The following MAPK8IP1 variants were observed in gnomAD, a reference collection of about 807,000 sequenced individuals.
The protein encoded by MAPK8IP1 is C-Jun-amino-terminal kinase-interacting protein 1.
Under a neutral mutation model 72.6 loss-of-function variants are expected in MAPK8IP1, and 17 were observed. The observed-to-expected ratio is 0.23, with a 90% confidence interval of 0.16 to 0.35. The LOEUF is 0.35. Ranked by LOEUF, MAPK8IP1 falls within the 10% of genes least tolerant of loss-of-function variation. The pLI, the probability that MAPK8IP1 is intolerant of heterozygous loss-of-function variation, is 1.00. For missense variants in MAPK8IP1, 789 were observed against 1,009.7 expected (o/e 0.78, Z 2.96); for synonymous variants, 401 against 443.4 (o/e 0.90, Z 1.20).
Position 45,902,096 on chromosome 11 carries a change from G to A in MAPK8IP1, c.604+35G>A, listed in dbSNP as rs758979263. The A allele has an allele frequency of 1.6e-5, 25 of 1,569,832 alleles. No individual in the cohort carries two copies. Among genetic ancestry groups the A allele is most frequent in the East Asian group, 2.2e-5 (1 of 44,664 alleles). ...GGCCCTCTTCCTTACCTGGACCTCC[G>A]CCTGCCCTGACTCAGTCCCCACTAC... On this transcript the variant is annotated intron_variant, in intron 4 of 11. Transcript: ENST00000241014. The surrounding 1 kb of genome is among the most constrained non-coding windows in gnomAD (Gnocchi z 9.3).
intron 1 of MAPK8IP1, 22 bp downstream of exon 1, chr11:45,885,943 G>T: frequency 6.9e-7 from 1 of 1,441,458 alleles, no homozygotes; most frequent in Non-Finnish European, 9.2e-7. Context: ...CGGCCGCCGC[G>T]CGCCTCGCCC....
rs766334044 is a variant in MAPK8IP1 at position 45,905,685 on chromosome 11, G to C, written c.2100G>C (p.Glu700Asp). The C allele has an allele frequency of 6.8e-6, 11 of 1,613,790 alleles. No individual in the cohort carries two copies. The African/African-American group carries it at 1.5e-4, about 22-fold the overall frequency. The change falls in exon 12 of 12, where the codon GAG becomes GAC. Residue 700 changes from glutamate (E) to aspartate (D), a missense_variant. Glu to Asp is a conservative substitution (Grantham distance 45). Coordinates refer to ENST00000241014, the MANE Select transcript of MAPK8IP1 (RefSeq NM_005456.4). Reference sequence around the variant, plus strand: ...AGCAGTTCTACAAGCAGTTTGTGGAGTACACCTGCCCCACAGAAGATATCT... The same window carrying C: ...AGCAGTTCTACAAGCAGTTTGTGGACTACACCTGCCCCACAGAAGATATCT... ...AFQQFYKQFVEYTCPTEDIYL... is the reference protein window; with the variant it reads ...AFQQFYKQFVDYTCPTEDIYL...
Position 45,903,320 on chromosome 11 carries a change from A to G in MAPK8IP1, c.1418-45A>G. Reference sequence around the variant, plus strand: ...CTTCTACCTGCCCCGCTAAACCTGGATCAGAGCTGCGACCCCCCATCCAGC... The same window carrying G: ...CTTCTACCTGCCCCGCTAAACCTGGGTCAGAGCTGCGACCCCCCATCCAGC... On this transcript the variant is annotated intron_variant, in intron 5 of 11. Coordinates refer to ENST00000241014, the MANE Select transcript of MAPK8IP1 (RefSeq NM_005456.4). The surrounding 1 kb of genome is among the most constrained non-coding windows in gnomAD (Gnocchi z 6.4). The G allele has an allele frequency of 6.2e-7, 1 of 1,605,086 alleles. No homozygotes were observed. The highest frequency in any genetic ancestry group is 8.5e-7 in the Non-Finnish European group (1 of 1,173,170).
chr11:45,892,693 C>G (rs2086576539), intron 1 of MAPK8IP1, among the ~76,000 whole-genome samples: 10 of 152,146 alleles, frequency 6.6e-5, no homozygotes, highest in Admixed American at 6.5e-4. Context: ...GGAAATGATA[C>G]TGGTTGGAGG....
chr11:45,903,497 C>G lies in MAPK8IP1; in HGVS notation c.1493+57C>G. On this transcript the variant is annotated intron_variant, in intron 6 of 11. Transcript: ENST00000241014. The surrounding 1 kb of genome is among the most constrained non-coding windows in gnomAD (Gnocchi z 6.4). ...GGCAGCAGTTTGGGCCACACACCAC[C>G]CTCTACTTGTCACCCCTACATGGCC... The G allele has an allele frequency of 6.9e-7, 1 of 1,451,766 alleles. No homozygotes were observed. The highest frequency in any genetic ancestry group is 9.5e-7 in the Non-Finnish European group (1 of 1,054,260). The allele number at this position is 1,451,766 out of a possible 1,614,324, so 89.9% of individuals were successfully genotyped here.
intron 1 of MAPK8IP1, 58 bp downstream of exon 1, chr11:45,885,979 C>A: frequency 8.9e-7 from 1 of 1,117,916 alleles, no homozygotes; most frequent in Non-Finnish European, 1.2e-6. Context: ...TCCGCATTGG[C>A]TGCCCTGCCC....
chr11:45,903,161 T>C lies in MAPK8IP1; in HGVS notation c.1394T>C (p.Met465Thr), dbSNP rs1194611164. 4 of 1,604,392 alleles carry C rather than the reference T, an allele frequency of 2.5e-6. No individual in the cohort carries two copies. Among genetic ancestry groups the C allele is most frequent in the African/African-American group, 2.7e-5 (2 of 74,730 alleles). ...TCCAAGAAATTCCTGAACGTCTTCA[T>C]GAGTGGCCGCTCCCGCTCCTCCAGT... ...HFSKKFLNVFMSGRSRSSSAE... is the reference protein window; with the variant it reads ...HFSKKFLNVFTSGRSRSSSAE... The change falls in exon 5 of 12, where the codon ATG becomes ACG. Residue 465 changes from methionine to threonine, a missense_variant. Coordinates refer to ENST00000241014, the MANE Select transcript of MAPK8IP1 (RefSeq NM_005456.4). The surrounding 1 kb of genome is among the most constrained non-coding windows in gnomAD (Gnocchi z 6.4).
In MAPK8IP1 at chr11:45,900,073, G is replaced by A. The variant is rs2086638109; in HGVS notation, c.208-65G>A. On this transcript the variant is annotated intron_variant, in intron 2 of 11. Transcript: ENST00000241014. The surrounding 1 kb of genome is among the most constrained non-coding windows in gnomAD (Gnocchi z 6.5). ...CAGAATGGACTCGCCCGGGCGGGGG[G>A]CGGTGCAAGCGGCCTCGGCCCCGCC... 4 of 1,016,490 alleles carry A rather than the reference G, an allele frequency of 3.9e-6. No individual in the cohort carries two copies. In the African/African-American group the frequency reaches 5.1e-5, roughly 13 times the overall value. The allele number at this position is 1,016,490 out of a possible 1,614,324, so 63.0% of individuals were successfully genotyped here.
At position 45,895,633 on chromosome 11, in the gene MAPK8IP1, A is replaced by AATAT. The variant is rs71038870; in HGVS notation, c.102-2427_102-2424dup. Reference sequence around the variant, plus strand: ...AAAGGCCGTCTCAAAAAAAAAAAAAAATATATATATATATATATATATATA... The same window carrying AATAT: ...AAAGGCCGTCTCAAAAAAAAAAAAAAATATATATATATATATATATATATATATA... On this transcript the variant is annotated intron_variant, in intron 1 of 11. Transcript: ENST00000241014. Among the ~76,000 whole-genome samples the AATAT allele has an allele frequency of 4.9e-4, 21 of 42,512 alleles. 1 individual carries two copies. The highest frequency in any genetic ancestry group is 1.9e-3 in the South Asian group (2 of 1,074). 27.9% of individuals were successfully genotyped at this position (42,512 alleles called of 152,430 possible).
At chr11:45,899,985 G>A (rs540971489) in intron 2 of MAPK8IP1, among the ~76,000 whole-genome samples, 153 bp from the exon 3 acceptor site, 1 of 152,208 alleles carries the variant, frequency 6.6e-6, no homozygotes, top group Admixed American at 6.5e-5. Context: ...CGCGGCGGAC[G>A]GGCGAGAGCG....
chr11:45,899,885 G>A (rs1178946258), intron 2 of MAPK8IP1, among the ~76,000 whole-genome samples: 1 of 152,198 alleles, frequency 6.6e-6, no homozygotes, highest in Non-Finnish European at 1.5e-5. Flanking sequence ...GGGAACGGGA[G>A]GGCGCAAGGA....
intron 1 of MAPK8IP1, among the ~76,000 whole-genome samples, chr11:45,893,281 T>C (rs1440136746): frequency 1.4e-5 from 2 of 147,276 alleles, no homozygotes; most frequent in African/African-American, 5.4e-5. Context: ...TTGGTGGAAA[T>C]GTGACCCAGC....
At chr11:45,889,196 A>G (rs1302814767) in intron 1 of MAPK8IP1, among the ~76,000 whole-genome samples, 3 of 152,240 alleles carry the variant, frequency 2.0e-5, no homozygotes, top group African/African-American at 4.8e-5. Context: ...AGGTAATTTT[A>G]TACAATAATT....
Position 45,906,166 on chromosome 11 carries a change from A to G in MAPK8IP1, c.*445A>G. The G allele has an allele frequency of 3.2e-6, 1 of 317,364 alleles. No individual in the cohort carries two copies. The allele number at this position is 317,364 out of a possible 1,614,324, so 19.7% of individuals were successfully genotyped here. The stretch of plus-strand genomic sequence containing the variant: ...GCCCCTGCCCCAACCCCCACCGAAG[A>G]GCCCTGAGCTCAGGCTGAGCCCAGC... On this transcript the variant is annotated 3_prime_UTR_variant, in exon 12 of 12. Transcript: ENST00000241014.
Position 45,900,180 on chromosome 11 carries a change from G to A in MAPK8IP1, c.250G>A (p.Gly84Arg). 1 of 1,314,362 alleles carries A rather than the reference G, an allele frequency of 7.6e-7. No individual in the cohort carries two copies. Among genetic ancestry groups the A allele is most frequent in the Non-Finnish European group, 9.6e-7 (1 of 1,039,040 alleles). 81.4% of individuals were successfully genotyped at this position (1,314,362 alleles called of 1,614,324 possible). A position where few individuals can be genotyped will look rare whatever the true frequency, so the allele number is the denominator to read the frequency against. ...GLLSAGGGGA[G>R]SRLQAEMLQM... ...GCTCTCTGCGGGCGGCGGCGGCGCG[G>A]GGAGCCGGTTGCAGGCCGAGATGCT... Residue 84 changes from glycine to arginine, a missense_variant, in exon 3 of 12, where the codon GGG becomes AGG. By Grantham distance (125) the Gly-to-Arg change is moderately radical (BLOSUM62 -2). Around this residue, in one of 4 missense-constraint regions of MAPK8IP1, gnomAD observed 112 missense variants for 192.8 expected, o/e 0.58. Coordinates refer to ENST00000241014, the MANE Select transcript of MAPK8IP1 (RefSeq NM_005456.4). The surrounding 1 kb of genome is among the most constrained non-coding windows in gnomAD (Gnocchi z 6.5).
Position 45,904,388 on chromosome 11 carries a change from CCTTCA to C in MAPK8IP1, c.1667-63_1667-59del. The C allele has an allele frequency of 1.4e-6, 2 of 1,391,522 alleles. No individual in the cohort carries two copies. The highest frequency in any genetic ancestry group is 4.6e-5 in the East Asian group (2 of 43,260). 86.2% of individuals were successfully genotyped at this position (1,391,522 alleles called of 1,614,324 possible). On this transcript the variant is annotated intron_variant, in intron 7 of 11. Coordinates refer to ENST00000241014, the MANE Select transcript of MAPK8IP1 (RefSeq NM_005456.4). This position sits in a 1 kb window ranked among gnomAD's most constrained non-coding sequence, Gnocchi z 6.4. ...CCATTCCCCGTGCCTCACCCACCCT[CCTTCA>C]CTTGGCTGCTCAGCTCCCTCCTGCT...
chr11:45,900,151 GGCT>G lies in MAPK8IP1; in HGVS notation c.225_227del (p.Leu76del). ...TGCGCTGTGCAGCCCCCGCGCGCCG[GGCT>G]GCTCTCTGCGGGCGGCGGCGGCGCG... On this transcript the variant is annotated inframe_deletion, in exon 3 of 12. Transcript: ENST00000241014. This position sits in a 1 kb window ranked among gnomAD's most constrained non-coding sequence, Gnocchi z 6.5. 7.7e-7 allele frequency: 1 copy of G among 1,299,504 alleles called. No individual in the cohort carries two copies. The highest frequency in any genetic ancestry group is 9.7e-7 in the Non-Finnish European group (1 of 1,030,870). The allele number at this position is 1,299,504 out of a possible 1,614,324, so 80.5% of individuals were successfully genotyped here. A position where few individuals can be genotyped will look rare whatever the true frequency, so the allele number is the denominator to read the frequency against.
chr11:45,886,381 G>A (rs1179674516), intron 1 of MAPK8IP1, among the ~76,000 whole-genome samples: 1 of 152,196 alleles, frequency 6.6e-6, no homozygotes, highest in Non-Finnish European at 1.5e-5. Flanking sequence ...GCCCCTCCCC[G>A]AGCCCTGCCT....
chr11:45,904,399 C>G lies in MAPK8IP1; in HGVS notation c.1667-56C>G, dbSNP rs1247979065. On this transcript the variant is annotated intron_variant, in intron 7 of 11. Coordinates refer to ENST00000241014, the MANE Select transcript of MAPK8IP1 (RefSeq NM_005456.4). The surrounding 1 kb of genome is among the most constrained non-coding windows in gnomAD (Gnocchi z 6.4). ...GCCTCACCCACCCTCCTTCACTTGG[C>G]TGCTCAGCTCCCTCCTGCTCTTTCT... 6.8e-7 allele frequency: 1 copy of G among 1,461,862 alleles called. No homozygotes were observed. Among genetic ancestry groups the G allele is most frequent in the Non-Finnish European group, 9.6e-7 (1 of 1,047,030 alleles). 90.6% of individuals were successfully genotyped at this position (1,461,862 alleles called of 1,614,324 possible).
Sources: gnomAD v4.1 joint callset for allele counts (sites outside exome capture counted in the v4.1 genomes callset) on GRCh38, gnomAD v4.1.1 for gene constraint, gnomAD v4.1.1 regional missense constraint, Gnocchi (gnomAD v3.1) non-coding constraint, MANE v1.5 for transcripts, NCBI Gene and HGNC (gene_info 2026-07-23, HGNC 2026-07-21) for gene names.